The following PPP2R1B variants were observed in gnomAD, a reference collection of about 807,000 sequenced individuals.
PPP2R1B encodes the protein serine/threonine-protein phosphatase 2A 65 kDa regulatory subunit A beta isoform.
Under a neutral mutation model 72.7 loss-of-function variants are expected in PPP2R1B, and 58 were observed. The ratio of observed to expected loss-of-function variants is 0.80; its 90% CI spans 0.65 to 0.99. PPP2R1B has a LOEUF of 0.99. Ranked by LOEUF, PPP2R1B falls within the 50% of genes least tolerant of loss-of-function variation. PPP2R1B has a pLI of 0.00. For missense variants in PPP2R1B, 695 were observed against 733.6 expected (o/e 0.95, Z 0.61); for synonymous variants, 256 against 264.6 (o/e 0.97, Z 0.32).
the PPP2R1B span, among the ~76,000 whole-genome samples, chr11:111,690,682 A>C: frequency 0.59 from 87,994 of 150,000 alleles, 29,634 homozygotes; most frequent in East Asian, 0.94. Flanking sequence ...TCATTGTTCA[A>C]CTCCCACTTA....
the PPP2R1B span, chr11:111,720,692 A>G: frequency 3.1e-6 from 5 of 1,613,846 alleles, no homozygotes; most frequent in Non-Finnish European, 4.2e-6. Context: ...CCCAGAAACG[A>G]GAGGTCCACA....
At chr11:111,723,162 C>G (rs1943856241), downstream of PPP2R1B, among the ~76,000 whole-genome samples, 1 of 152,190 alleles carries the variant, frequency 6.6e-6, no homozygotes, top group Non-Finnish European at 1.5e-5. Flanking sequence ...AATCCATCAA[C>G]TGCAGACACC....
chr11:111,729,540 C>G (rs1347735975), intron 15 of PPP2R1B: 1 of 152,246 alleles, frequency 6.6e-6, no homozygotes, highest in African/African-American at 2.4e-5. Context: ...ATAGAAGGAG[C>G]TGGGACACGC....
intron 3 of PPP2R1B, among the ~76,000 whole-genome samples, chr11:111,763,588 T>C (rs1272685357): frequency 2.0e-5 from 3 of 152,168 alleles, no homozygotes; most frequent in Non-Finnish European, 4.4e-5. Context: ...TGGACTTATT[T>C]GAAATATACG....
chr11:111,712,249 G>A, the PPP2R1B span: 1,967 of 1,614,160 alleles, frequency 1.2e-3, 4 homozygotes, highest in Non-Finnish European at 1.5e-3. Flanking sequence ...TGCATTCACC[G>A]AACATGAGGC....
chr11:111,712,106 C>A, the PPP2R1B span: 2 of 1,166,290 alleles, frequency 1.7e-6, no homozygotes, highest in Non-Finnish European at 2.4e-6. Flanking sequence ...AATAAATATT[C>A]ATTCTTTAAT....
At chr11:111,737,369 C>T, downstream of PPP2R1B, 2 of 1,601,790 alleles carry the variant, frequency 1.2e-6, no homozygotes, top group Non-Finnish European at 8.5e-7. Flanking sequence ...TACCCTGTGG[C>T]AGCTCCCTGC....
downstream of PPP2R1B, chr11:111,737,299 C>A: frequency 8.3e-7 from 1 of 1,202,564 alleles, no homozygotes; most frequent in Non-Finnish European, 1.2e-6. Flanking sequence ...CCATCTACTC[C>A]CGGCCCTTAA....
chr11:111,759,780 C>T (rs373448598), intron 5 of PPP2R1B, 24 bp downstream of exon 5: 2 of 1,595,330 alleles, frequency 1.3e-6, no homozygotes, highest in Non-Finnish European at 1.7e-6. Context: ...ATCTGTGTCC[C>T]TTAAATACTA....
chr11:111,696,972 G>A, the PPP2R1B span, among the ~76,000 whole-genome samples: 2 of 152,190 alleles, frequency 1.3e-5, no homozygotes, highest in Admixed American at 1.3e-4. Context: ...AGATTCCTGT[G>A]AAGAAATTAA....
At chr11:111,733,153 G>A (rs748246636), downstream of PPP2R1B, among the ~76,000 whole-genome samples, 78 of 152,306 alleles carry the variant, frequency 5.1e-4, no homozygotes, top group Admixed American at 3.3e-3. Flanking sequence ...CTTGCCAGGC[G>A]CCTCGGCCAC....
At chr11:111,717,415 A>C in the PPP2R1B span, among the ~76,000 whole-genome samples, 1 of 152,042 alleles carries the variant, frequency 6.6e-6, no homozygotes, top group African/African-American at 2.4e-5. Flanking sequence ...GCCAGTCAGA[A>C]TGGCAATTAT....
At position 111,739,814 on chromosome 11, in the gene PPP2R1B, T is replaced by C; in HGVS notation, c.*1782A>G. Reference sequence around the variant, plus strand: ...GTTTACAGAATAATAGCATAAGATATTAAAATGAGAATATAGAAAAAGATT... The same window carrying C: ...GTTTACAGAATAATAGCATAAGATACTAAAATGAGAATATAGAAAAAGATT... On this transcript the variant is annotated 3_prime_UTR_variant, in exon 15 of 15. Coordinates refer to ENST00000527614, the MANE Select transcript of PPP2R1B (RefSeq NM_002716.5). The C allele has an allele frequency of 2.1e-6, 2 of 971,266 alleles. No homozygotes were observed. Among genetic ancestry groups the C allele is most frequent in the Non-Finnish European group, 2.4e-6 (2 of 817,086 alleles). 60.2% of individuals were successfully genotyped at this position (971,266 alleles called of 1,614,324 possible). A position where few individuals can be genotyped will look rare whatever the true frequency, so the allele number is the denominator to read the frequency against.
chr11:111,693,265 C>G, the PPP2R1B span, among the ~76,000 whole-genome samples: 64 of 151,080 alleles, frequency 4.2e-4, no homozygotes, highest in Admixed American at 7.3e-4. Context: ...ACCAGGGAGT[C>G]AGAGGTTGCA....
rs1178847568 is a variant in PPP2R1B at position 111,754,519 on chromosome 11, G to C, written c.1009C>G (p.Gln337Glu). The C allele has an allele frequency of 6.2e-7, 1 of 1,602,618 alleles. No homozygotes were observed. The highest frequency in any genetic ancestry group is 2.2e-5 in the East Asian group (1 of 44,452). The change falls in exon 8 of 15, where the codon CAA (glutamine) becomes GAA (glutamate). Residue 337 changes from glutamine to glutamate, a missense_variant. Transcript: ENST00000527614. ...TTTACCTTTATATAAGGCAGAATTT[G>C]ATTCATAATTATGGTCTCTCTATCT... ...IEDRETIIMN[Q>E]ILPYIKELVS...
the PPP2R1B span, among the ~76,000 whole-genome samples, chr11:111,705,536 A>G: frequency 6.6e-6 from 1 of 152,230 alleles, no homozygotes; most frequent in Non-Finnish European, 1.5e-5. This position sits in a 1 kb window ranked among gnomAD's most constrained non-coding sequence, Gnocchi z 4.3. Context: ...AGACAAGATC[A>G]TAAACAACCA....
chr11:111,720,969 G>A, the PPP2R1B span: 2 of 1,614,080 alleles, frequency 1.2e-6, no homozygotes, highest in Non-Finnish European at 1.7e-6. Flanking sequence ...TGAACAAAGT[G>A]CAGTTGTTGT....
chr11:111,751,812 T>C (rs1217372675), intron 10 of PPP2R1B, among the ~76,000 whole-genome samples: 2 of 152,180 alleles, frequency 1.3e-5, no homozygotes, highest in African/African-American at 2.4e-5. Flanking sequence ...ACCCCATCTC[T>C]ATTAAAAATA....
chr11:111,744,815 A>T (rs556399658), intron 11 of PPP2R1B, among the ~76,000 whole-genome samples: 2 of 152,218 alleles, frequency 1.3e-5, no homozygotes, highest in Non-Finnish European at 2.9e-5. Flanking sequence ...CAAGCAAGAC[A>T]GCATAGACAA....
Sources: gnomAD v4.1 joint callset for allele counts (sites outside exome capture counted in the v4.1 genomes callset) on GRCh38, gnomAD v4.1.1 for gene constraint, Gnocchi (gnomAD v3.1) non-coding constraint, MANE v1.5 for transcripts, NCBI Gene and HGNC (gene_info 2026-07-23, HGNC 2026-07-21) for gene names.